SLC23A2: variants seen among roughly 807,000 people sequenced by gnomAD.
SLC23A2 encodes solute carrier family 23 member 2.
In SLC23A2, 36 loss-of-function variants were observed where a neutral mutation model predicts 73.3. That is an observed-to-expected ratio of 0.49 (90% CI 0.38 to 0.65). SLC23A2 has a LOEUF of 0.65. Ranked by LOEUF, SLC23A2 falls within the 30% of genes least tolerant of loss-of-function variation. The pLI is 0.00. For synonymous variants in SLC23A2, 343 were observed against 327.3 expected (o/e 1.05, Z -0.52); for missense variants, 507 against 841.6 (o/e 0.60, Z 4.92).
intron 1 of SLC23A2, among the ~76,000 whole-genome samples, chr20:4,984,284 G>A (rs2087784012): frequency 6.6e-6 from 1 of 151,690 alleles, no homozygotes; most frequent in Non-Finnish European, 1.5e-5. Context: ...GCCGGGTGCA[G>A]TGGCTCACGC....
intron 2 of SLC23A2, among the ~76,000 whole-genome samples, chr20:4,936,076 T>TG (rs2086957806): frequency 6.6e-6 from 1 of 152,208 alleles, no homozygotes; most frequent in South Asian, 2.1e-4. Flanking sequence ...TTTATGAATT[T>TG]GGGGGATGAC....
chr20:4,868,920 A>G lies in SLC23A2; in HGVS notation c.1250+986T>C, dbSNP rs1217813861. On this transcript the variant is annotated intron_variant, in intron 12 of 16. Coordinates refer to ENST00000338244, the MANE Select transcript of SLC23A2 (RefSeq NM_005116.6). This position sits in a 1 kb window ranked among gnomAD's most constrained non-coding sequence, Gnocchi z 4.4. ...ATTCATTTCTGCTATTCCTGTCCCT[A>G]TTTATATAAACTGTAACTGTGCATA... 1 of 152,176 alleles carries G rather than the reference A, an allele frequency of 6.6e-6. No homozygotes were observed. Among genetic ancestry groups the G allele is most frequent in the East Asian group, 1.9e-4 (1 of 5,200 alleles). The allele number at this position is 152,176 out of a possible 1,614,324, so 9.4% of individuals were successfully genotyped here. A position where few individuals can be genotyped will look rare whatever the true frequency, so the allele number is the denominator to read the frequency against.
intron 1 of SLC23A2, among the ~76,000 whole-genome samples, chr20:4,999,572 T>TA (rs1414071471): frequency 7.0e-6 from 1 of 143,352 alleles, no homozygotes; most frequent in African/African-American, 2.7e-5. Flanking sequence ...TTTTTTTTTT[T>TA]ATAGAAACAG....
chr20:4,870,740 A>G (rs1211261683), intron 11 of SLC23A2, among the ~76,000 whole-genome samples: 1 of 152,204 alleles, frequency 6.6e-6, no homozygotes, highest in Non-Finnish European at 1.5e-5. Context: ...TGCTGTACAG[A>G]GCAGGGTACA....
intron 5 of SLC23A2, among the ~76,000 whole-genome samples, chr20:4,900,962 C>T (rs1319663557): frequency 6.6e-6 from 1 of 152,168 alleles, no homozygotes; most frequent in Non-Finnish European, 1.5e-5. Flanking sequence ...TACTCCTGTT[C>T]AGGATGTCTC....
intron 3 of SLC23A2, among the ~76,000 whole-genome samples, chr20:4,921,478 CAAG>C (rs775620012): frequency 6.6e-6 from 1 of 151,798 alleles, no homozygotes; most frequent in Non-Finnish European, 1.5e-5. Context: ...CCCAGCTACC[CAAG>C]AGGCTGAAGT....
chr20:4,940,212 G>C (rs1007086345), intron 2 of SLC23A2, among the ~76,000 whole-genome samples: 1 of 152,074 alleles, frequency 6.6e-6, no homozygotes, highest in Non-Finnish European at 1.5e-5. Context: ...TCAGCAACTC[G>C]GGAGGCTGAG....
At chr20:4,975,946 C>T (rs1159249333) in intron 1 of SLC23A2, among the ~76,000 whole-genome samples, 3 of 151,054 alleles carry the variant, frequency 2.0e-5, no homozygotes, top group Non-Finnish European at 3.0e-5. Context: ...CTCTTCCTCC[C>T]GGGTTCACGC....
intron 1 of SLC23A2, among the ~76,000 whole-genome samples, chr20:4,973,170 T>A (rs949298335): frequency 6.6e-6 from 1 of 152,228 alleles, no homozygotes; most frequent in Admixed American, 6.5e-5. Flanking sequence ...CAGATCAAAC[T>A]GCTTTGAAGT....
At position 4,872,510 on chromosome 20, in the gene SLC23A2, C is replaced by T. The variant is rs1930489040; in HGVS notation, c.1102+1426G>A. ...CTGGACAGCCCAGCTTGTGCCCCTA[C>T]TGGCGCCCACCTTGGGAGTTGCCTG... On this transcript the variant is annotated intron_variant, in intron 11 of 16. Coordinates refer to ENST00000338244, the MANE Select transcript of SLC23A2 (RefSeq NM_005116.6). This position sits in a 1 kb window ranked among gnomAD's most constrained non-coding sequence, Gnocchi z 4.4. Among the ~76,000 whole-genome samples the T allele has an allele frequency of 6.6e-6, 1 of 152,146 alleles. No homozygotes were observed. Among genetic ancestry groups the T allele is most frequent in the South Asian group, 2.1e-4 (1 of 4,828 alleles).
intron 2 of SLC23A2, among the ~76,000 whole-genome samples, chr20:4,949,248 A>G (rs2087161903): frequency 6.7e-6 from 1 of 148,424 alleles, no homozygotes; most frequent in Admixed American, 6.9e-5. Flanking sequence ...AGATCGCACC[A>G]TTGCACTCCA....
chr20:4,898,164 C>CT (rs1931617376), intron 6 of SLC23A2, among the ~76,000 whole-genome samples: 1 of 152,248 alleles, frequency 6.6e-6, no homozygotes, highest in Non-Finnish European at 1.5e-5. Context: ...GCCCTGCCCC[C>CT]TGGGGGGTTT....
rs1306269230 is a variant in SLC23A2 at position 4,902,252 on chromosome 20, C to T, written c.324+190G>A. On this transcript the variant is annotated intron_variant, in intron 5 of 16. Transcript: ENST00000338244. The surrounding 1 kb of genome is among the most constrained non-coding windows in gnomAD (Gnocchi z 4.0). Reference sequence around the variant, plus strand: ...CTCCTAGGCTCCAGTGATCTGCCCACCTCAGCCTCCAAAACTGCTAGGATT... The same window carrying T: ...CTCCTAGGCTCCAGTGATCTGCCCATCTCAGCCTCCAAAACTGCTAGGATT... 1.3e-5 allele frequency among the ~76,000 whole-genome samples: 2 copies of T among 152,236 alleles called. No homozygotes were observed. Among genetic ancestry groups the T allele is most frequent in the East Asian group, 3.8e-4 (2 of 5,198 alleles).
At position 4,857,286 on chromosome 20, in the gene SLC23A2, AC is replaced by A. The variant is rs1929755762; in HGVS notation, c.1721-83del. ...AATGAAACTGTCGTCAAACACATACACACACACACACACACACACACACACA... is the reference window on the plus strand; with the variant it reads ...AATGAAACTGTCGTCAAACACATACAACACACACACACACACACACACACA... On this transcript the variant is annotated intron_variant, in intron 16 of 16. Coordinates refer to ENST00000338244, the MANE Select transcript of SLC23A2 (RefSeq NM_005116.6). This position sits in a 1 kb window ranked among gnomAD's most constrained non-coding sequence, Gnocchi z 4.0. 1 of 95,766 alleles carries A rather than the reference AC, an allele frequency of 1.0e-5. No homozygotes were observed. The highest frequency in any genetic ancestry group is 1.8e-4 in the Admixed American group (1 of 5,424). 5.9% of individuals were successfully genotyped at this position (95,766 alleles called of 1,614,324 possible). A position where few individuals can be genotyped will look rare whatever the true frequency, so the allele number is the denominator to read the frequency against.
At chr20:5,002,729 T>G (rs2088144561), upstream of SLC23A2, among the ~76,000 whole-genome samples, 2 of 152,312 alleles carry the variant, frequency 1.3e-5, no homozygotes, top group South Asian at 4.1e-4. Context: ...GCATTTTTAT[T>G]TGCTTATATT....
chr20:4,937,173 G>A (rs933174771), intron 2 of SLC23A2, among the ~76,000 whole-genome samples: 4 of 152,104 alleles, frequency 2.6e-5, no homozygotes, highest in Admixed American at 6.5e-5. Flanking sequence ...CAGGATGAGC[G>A]TGGTGTGTAT....
At chr20:4,870,697 C>T (rs1930414612) in intron 11 of SLC23A2, among the ~76,000 whole-genome samples, 1 of 152,154 alleles carries the variant, frequency 6.6e-6, no homozygotes. Context: ...TGCCCTGCCA[C>T]GTTGGGAAAT....
At chr20:4,961,224 G>C (rs1463382555) in intron 2 of SLC23A2, among the ~76,000 whole-genome samples, 7 of 150,406 alleles carry the variant, frequency 4.7e-5, no homozygotes, top group African/African-American at 1.7e-4. Flanking sequence ...TCTCCCTATA[G>C]GCACGTGTCA....
chr20:4,862,719 C>A lies in SLC23A2; in HGVS notation c.1486+59G>T. On this transcript the variant is annotated intron_variant, in intron 14 of 16. Coordinates refer to ENST00000338244, the MANE Select transcript of SLC23A2 (RefSeq NM_005116.6). The surrounding 1 kb of genome is among the most constrained non-coding windows in gnomAD (Gnocchi z 5.1). ...TACTGAAGGGAGTCAGCAAAAACACCATGACCCCTATTAAAAATTTGGAAA... is the reference window on the plus strand; with the variant it reads ...TACTGAAGGGAGTCAGCAAAAACACAATGACCCCTATTAAAAATTTGGAAA... The A allele has an allele frequency of 6.6e-7, 1 of 1,520,712 alleles. No individual in the cohort carries two copies. The highest frequency in any genetic ancestry group is 9.0e-7 in the Non-Finnish European group (1 of 1,107,588). The allele number at this position is 1,520,712 out of a possible 1,614,324, so 94.2% of individuals were successfully genotyped here. A position where few individuals can be genotyped will look rare whatever the true frequency, so the allele number is the denominator to read the frequency against.
Sources: allele counts gnomAD v4.1 joint callset (sites outside exome capture counted in the v4.1 genomes callset), GRCh38; gene constraint gnomAD v4.1.1; non-coding constraint Gnocchi (gnomAD v3.1); transcripts MANE v1.5; gene names NCBI Gene and HGNC (gene_info 2026-07-23, HGNC 2026-07-21).